Variants in CNGB3 observed in about 807,000 individuals in gnomAD.
CNGB3 encodes the protein cyclic nucleotide-gated channel beta-3.
CNGB3 carries 86 observed loss-of-function variants against 92.8 expected under a neutral mutation model. The observed-to-expected ratio is 0.93, with a 90% CI of 0.78 to 1.11. The LOEUF (loss-of-function observed/expected upper bound fraction) is 1.11, where lower values mean the gene tolerates loss of function less well. CNGB3 is among the 50% of genes least tolerant of loss of function. CNGB3 has a pLI of 0.00. For synonymous variants in CNGB3, 333 were observed against 332.7 expected (o/e 1.00, Z -0.01); for missense variants, 1,026 against 956.8 (o/e 1.07, Z -0.95).
chr8:86,693,975 TG>T (rs1469036278), intron 3 of CNGB3, among the ~76,000 whole-genome samples: 1 of 149,832 alleles, frequency 6.7e-6, no homozygotes, highest in Non-Finnish European at 1.5e-5. Context: ...ACCTACCAGA[TG>T]GGGTGGTGGC....
chr8:86,599,593 G>C (rs958433772), intron 15 of CNGB3, among the ~76,000 whole-genome samples: 1 of 152,122 alleles, frequency 6.6e-6, no homozygotes, highest in Non-Finnish European at 1.5e-5. Context: ...ATGTGTCCCT[G>C]AGGGTAGGCC....
At chr8:86,729,437 T>C (rs1825122911) in intron 2 of CNGB3, among the ~76,000 whole-genome samples, 2 of 152,222 alleles carry the variant, frequency 1.3e-5, no homozygotes, top group African/African-American at 4.8e-5. Flanking sequence ...TACCAGATCT[T>C]CTCTAGCTAT....
intron 10 of CNGB3, among the ~76,000 whole-genome samples, chr8:86,638,778 G>A (rs188455756): frequency 6.6e-6 from 1 of 151,868 alleles, no homozygotes; most frequent in East Asian, 1.9e-4. Context: ...CCCCTGTCAT[G>A]CTTCTCACTG....
At chr8:86,650,036 T>C (rs980673069) in intron 7 of CNGB3, among the ~76,000 whole-genome samples, 5 of 151,280 alleles carry the variant, frequency 3.3e-5, no homozygotes, top group African/African-American at 1.2e-4. Flanking sequence ...CCAAAAAACA[T>C]GAAAAAAATG....
In CNGB3 at chr8:86,683,264, G is replaced by A. The variant is rs536830024; in HGVS notation, c.339-12166C>T. 7.8e-4 allele frequency among the ~76,000 whole-genome samples: 118 copies of A among 152,178 alleles called. 4 individuals are homozygous for A. The South Asian group carries it at 0.012, about 16-fold the overall frequency. Reference sequence around the variant, plus strand: ...ACTCTGAGTGCCAAATTAATGTCTGGTTCTTTTTCTTCTTCTAAACAAAAA... The same window carrying A: ...ACTCTGAGTGCCAAATTAATGTCTGATTCTTTTTCTTCTTCTAAACAAAAA... On this transcript the variant is annotated intron_variant, in intron 3 of 17. Transcript: ENST00000320005.
chr8:86,685,004 A>C (rs1313601630), intron 3 of CNGB3, among the ~76,000 whole-genome samples: 1 of 152,110 alleles, frequency 6.6e-6, no homozygotes, highest in Non-Finnish European at 1.5e-5. Flanking sequence ...AACTGGAGAA[A>C]TATGAATAAG....
At chr8:86,740,583 CA>C (rs1825323671) in intron 1 of CNGB3, among the ~76,000 whole-genome samples, 1 of 152,044 alleles carries the variant, frequency 6.6e-6, no homozygotes, top group South Asian at 2.1e-4. Context: ...TTGGATGGGA[CA>C]AAGGGTGAGT....
chr8:86,611,273 C>T (rs1303015966), intron 14 of CNGB3, among the ~76,000 whole-genome samples: 1 of 152,120 alleles, frequency 6.6e-6, no homozygotes, highest in East Asian at 1.9e-4. Context: ...CCACCTATCG[C>T]TTCTGTAACT....
chr8:86,697,626 A>T (rs1235312393), intron 3 of CNGB3, among the ~76,000 whole-genome samples: 1 of 152,198 alleles, frequency 6.6e-6, no homozygotes, highest in East Asian at 1.9e-4. Flanking sequence ...GCTATCTAGG[A>T]ACCCTTTTCT....
chr8:86,600,776 ATTTTTTTTTTTTTTTTTTT>A (rs533111246), intron 15 of CNGB3, among the ~76,000 whole-genome samples: 2,245 of 38,576 alleles, frequency 0.058, 123 homozygotes, highest in African/African-American at 0.19. Flanking sequence ...CGCTCGGCTA[ATTTTTTTTTTTTTTTTTTT>A]TTTTTTTTTT....
At chr8:86,702,156 G>A (rs988708600) in intron 3 of CNGB3, among the ~76,000 whole-genome samples, 1 of 152,176 alleles carries the variant, frequency 6.6e-6, no homozygotes, top group Non-Finnish European at 1.5e-5. Flanking sequence ...AAGGCATTAA[G>A]AGGCAAACAG....
At chr8:86,688,734 T>G (rs1824238106) in intron 3 of CNGB3, among the ~76,000 whole-genome samples, 1 of 152,022 alleles carries the variant, frequency 6.6e-6, no homozygotes, top group Non-Finnish European at 1.5e-5. Context: ...GGTTTGTTGA[T>G]TTTGTTTATC....
Position 86,642,527 on chromosome 8 carries a change from G to A in CNGB3, c.1178+1224C>T, listed in dbSNP as rs150731819. 3.4e-3 allele frequency among the ~76,000 whole-genome samples: 515 copies of A among 151,644 alleles called. 1 individual carries two copies. The highest frequency in any genetic ancestry group is 0.012 in the African/African-American group (489 of 41,470). ...CTCACTCTAGGTAGTATGTAATTTT[G>A]TAAGTTATTTTCCCTCTCTTTGCTC... is the stretch of plus-strand genomic sequence containing the variant. On this transcript the variant is annotated intron_variant, in intron 10 of 17. Coordinates refer to ENST00000320005, the MANE Select transcript of CNGB3 (RefSeq NM_019098.5).
intron 14 of CNGB3, among the ~76,000 whole-genome samples, chr8:86,606,846 A>T (rs1484645506): frequency 6.6e-6 from 1 of 152,230 alleles, no homozygotes; most frequent in Non-Finnish European, 1.5e-5. Context: ...CACCTATGTC[A>T]TCTGACTCTA....
intron 15 of CNGB3, among the ~76,000 whole-genome samples, chr8:86,590,230 T>C (rs1308176494): frequency 6.6e-6 from 1 of 152,046 alleles, no homozygotes; most frequent in Non-Finnish European, 1.5e-5. Context: ...AGCCTATGTG[T>C]GTCTCTGCAT....
At chr8:86,660,382 C>A (rs1439515743) in intron 6 of CNGB3, 1 of 436,144 alleles carries the variant, frequency 2.3e-6, no homozygotes, top group Admixed American at 2.7e-5. Flanking sequence ...GGCAGATGTG[C>A]AACTGATCCA....
At chr8:86,719,811 T>C (rs1824932195) in intron 3 of CNGB3, among the ~76,000 whole-genome samples, 1 of 152,084 alleles carries the variant, frequency 6.6e-6, no homozygotes, top group Non-Finnish European at 1.5e-5. Flanking sequence ...ATAGACCAAC[T>C]GAACTGAATA....
intron 3 of CNGB3, among the ~76,000 whole-genome samples, chr8:86,680,661 AT>A (rs1824064826): frequency 6.6e-6 from 1 of 152,164 alleles, no homozygotes; most frequent in Admixed American, 6.6e-5. Context: ...ATCAAAAGGA[AT>A]GGGGGACTCT....
At chr8:86,590,370 G>T (rs1172967699) in intron 15 of CNGB3, among the ~76,000 whole-genome samples, 2 of 152,050 alleles carry the variant, frequency 1.3e-5, no homozygotes, top group African/African-American at 4.8e-5. Context: ...GTGTGAATTT[G>T]ATCCTGTCAT....
Sources: allele counts gnomAD v4.1 joint callset (sites outside exome capture counted in the v4.1 genomes callset), GRCh38; gene constraint gnomAD v4.1.1; transcripts MANE v1.5; gene names NCBI Gene and HGNC (gene_info 2026-07-23, HGNC 2026-07-21).